Variants in EIF2AK3 observed in about 807,000 individuals in gnomAD.
The protein encoded by EIF2AK3 is eukaryotic translation initiation factor 2-alpha kinase 3.
Under a neutral mutation model 113.5 loss-of-function variants are expected in EIF2AK3, and 50 were observed. That is an observed-to-expected ratio of 0.44 (90% CI 0.35 to 0.56). EIF2AK3 has a LOEUF of 0.56. Among genes scored for constraint, EIF2AK3 ranks in the 20% least tolerant of loss-of-function variants. The probability of loss-of-function intolerance (pLI) is 0.00; values close to 1 mark genes in which losing one functional copy is unlikely to be tolerated. For missense variants in EIF2AK3, 1,185 were observed against 1,378.0 expected (o/e 0.86, Z 2.22); for synonymous variants, 448 against 495.4 (o/e 0.90, Z 1.27).
chr2:88,595,703 A>G, intron 2 of EIF2AK3, 40 bp from the exon 3 acceptor site: 2 of 1,560,736 alleles, frequency 1.3e-6, no homozygotes, highest in Non-Finnish European at 1.8e-6. Flanking sequence ...CCATAACATT[A>G]ATTATTATTT....
intron 2 of EIF2AK3, 37 bp from the exon 3 acceptor site, chr2:88,595,700 A>G: frequency 1.3e-6 from 2 of 1,557,970 alleles, no homozygotes; most frequent in Non-Finnish European, 1.8e-6. Context: ...GGGCCATAAC[A>G]TTAATTATTA....
At chr2:88,617,926 C>G (rs1381721592) in intron 1 of EIF2AK3, among the ~76,000 whole-genome samples, 1 of 152,270 alleles carries the variant, frequency 6.6e-6, no homozygotes, top group Middle Eastern at 3.4e-3. Context: ...CCTTTGTAAA[C>G]CCAACACTCA....
At position 88,585,942 on chromosome 2, in the gene EIF2AK3, G is replaced by T. The variant is rs1487226765; in HGVS notation, c.1549C>A (p.Leu517Ile). Residue 517 changes from leucine to isoleucine, a missense_variant, in exon 9 of 17, where the codon CTT (leucine) becomes ATT (isoleucine). Physicochemically the swap from Leu to Ile is conservative, Grantham distance 5 (BLOSUM62 2). Coordinates refer to ENST00000303236, the MANE Select transcript of EIF2AK3 (RefSeq NM_004836.7). ...ATTTCTTTCCACCAGTGTAAAAGAA[G>T]AACAGGATCCTTTTTGCGGATATTC... ...NKNIRKKDPV[L>I]LLHWWKEIVA... 2 of 1,614,136 alleles carry T rather than the reference G, an allele frequency of 1.2e-6. No individual in the cohort carries two copies. Among genetic ancestry groups the T allele is most frequent in the Non-Finnish European group, 1.7e-6 (2 of 1,179,992 alleles).
chr2:88,591,495 G>T (rs2104439566), intron 4 of EIF2AK3, among the ~76,000 whole-genome samples: 1 of 152,246 alleles, frequency 6.6e-6, no homozygotes, highest in East Asian at 1.9e-4. Flanking sequence ...AAGTCAAGAT[G>T]AATGCACCAG....
intron 1 of EIF2AK3, among the ~76,000 whole-genome samples, chr2:88,622,995 T>G (rs1346518620): frequency 6.6e-6 from 1 of 152,160 alleles, no homozygotes; most frequent in Non-Finnish European, 1.5e-5. Context: ...GCACCAGAGA[T>G]TAATGTCAAA....
chr2:88,575,326 G>C lies in EIF2AK3; in HGVS notation c.2157C>G (p.Ser719Arg). The C allele has an allele frequency of 6.2e-7, 1 of 1,614,186 alleles. No individual in the cohort carries two copies. ...AGGAAATCCCTACTGAAAAAGACCT[G>C]CTTCTTTGTGGTGAAGGAGCTATGA... ...IEIIAPSPQR[S>R]RSFSVGISCD... The change falls in exon 13 of 17, where the codon AGC becomes AGG. Residue 719 changes from serine (S) to arginine (R), a missense_variant. Ser to Arg is a moderately radical substitution (Grantham distance 110). Transcript: ENST00000303236.
Position 88,587,574 on chromosome 2 carries a change from C to T in EIF2AK3, c.1429+408G>A, listed in dbSNP as rs115263182. 2.2e-3 allele frequency among the ~76,000 whole-genome samples: 334 copies of T among 152,236 alleles called. 1 individual carries two copies. The highest frequency in any genetic ancestry group is 7.8e-3 in the African/African-American group (325 of 41,512). On this transcript the variant is annotated intron_variant, in intron 8 of 16. Coordinates refer to ENST00000303236, the MANE Select transcript of EIF2AK3 (RefSeq NM_004836.7). ...TGAAAAACACATTTTCTTCATTATACAGGCAACTATACAGCCTACATAATA... is the reference window on the plus strand; with the variant it reads ...TGAAAAACACATTTTCTTCATTATATAGGCAACTATACAGCCTACATAATA...
At chr2:88,566,941 C>G (rs1674145235) in intron 14 of EIF2AK3, among the ~76,000 whole-genome samples, 1 of 151,912 alleles carries the variant, frequency 6.6e-6, no homozygotes, top group South Asian at 2.1e-4. Context: ...AAGACCCTGT[C>G]TCAAAAAAAT....
chr2:88,621,226 T>C (rs1318714059), intron 1 of EIF2AK3, among the ~76,000 whole-genome samples: 2 of 152,184 alleles, frequency 1.3e-5, no homozygotes, highest in Non-Finnish European at 2.9e-5. Flanking sequence ...TATGCCACAA[T>C]GAATACGCAA....
chr2:88,622,838 T>C (rs1230186857), intron 1 of EIF2AK3, among the ~76,000 whole-genome samples: 2 of 152,202 alleles, frequency 1.3e-5, no homozygotes, highest in Non-Finnish European at 2.9e-5. Context: ...TGAGGAAGAC[T>C]AGATTTCTGT....
At chr2:88,607,204 A>G (rs2104460293) in intron 2 of EIF2AK3, among the ~76,000 whole-genome samples, 1 of 152,302 alleles carries the variant, frequency 6.6e-6, no homozygotes, top group Non-Finnish European at 1.5e-5. Context: ...CTAAAGAAAA[A>G]ACGATGCTCA....
chr2:88,576,774 A>T (rs1674470419), intron 11 of EIF2AK3, 71 bp from the exon 12 acceptor site: 2 of 1,523,520 alleles, frequency 1.3e-6, no homozygotes, highest in Non-Finnish European at 1.8e-6. Context: ...AAATTATATG[A>T]CTTATACCCC....
In EIF2AK3 at chr2:88,627,017, C is replaced by A; in HGVS notation, c.258G>T (p.Glu86Asp). ...EALPAAAGEQ[E>D]PRGPEPDDET... ...CATCGTCTGGTTCCGGACCCCGAGGCTCCTGCTCTCCCGCGGCTGCCGGCA... is the reference window on the plus strand; with the variant it reads ...CATCGTCTGGTTCCGGACCCCGAGGATCCTGCTCTCCCGCGGCTGCCGGCA... Residue 86 changes from glutamate (E) to aspartate (D), a missense_variant, in exon 1 of 17, where the codon GAG (glutamate) becomes GAT (aspartate). This residue lies in a region of EIF2AK3 where 189 missense variants were observed against 175.2 expected (regional missense o/e 1.08). Transcript: ENST00000303236. 1 of 1,606,776 alleles carries A rather than the reference C, an allele frequency of 6.2e-7. No homozygotes were observed. Among genetic ancestry groups the A allele is most frequent in the East Asian group, 2.2e-5 (1 of 44,738 alleles).
intron 3 of EIF2AK3, 120 bp from the exon 4 acceptor site, chr2:88,593,525 G>T: frequency 8.4e-7 from 1 of 1,197,094 alleles, no homozygotes; most frequent in Non-Finnish European, 1.2e-6. Flanking sequence ...TGTGTATGAA[G>T]TACTCAAGTC....
chr2:88,606,240 C>A (rs1471674028), intron 2 of EIF2AK3, among the ~76,000 whole-genome samples: 1 of 151,656 alleles, frequency 6.6e-6, no homozygotes, highest in Non-Finnish European at 1.5e-5. Context: ...ACTATCTCTG[C>A]CTTCACCTAG....
chr2:88,588,618 T>C, intron 7 of EIF2AK3, 143 bp downstream of exon 7: 1 of 849,660 alleles, frequency 1.2e-6, no homozygotes, highest in Non-Finnish European at 1.8e-6. Context: ...ATTATTAACA[T>C]CTGAAATACC....
Position 88,557,745 on chromosome 2 carries a change from T to C in EIF2AK3, c.3342A>G (p.Pro1114=). The C allele has an allele frequency of 6.2e-7, 1 of 1,614,184 alleles. No individual in the cohort carries two copies. Among genetic ancestry groups the C allele is most frequent in the Non-Finnish European group, 8.5e-7 (1 of 1,179,974 alleles). ...RQSNNSHSPL[P]SN is the part of the protein sequence containing the mutation. ...CTAGCACAACTTAAGGCTAATTGCT[T>C]GGCAAAGGGCTATGGGAGTTGTTGG... The change falls in exon 17 of 17, where the codon CCA becomes CCG. Residue 1114 remains proline (P), a synonymous_variant. Transcript: ENST00000303236.
intron 15 of EIF2AK3, among the ~76,000 whole-genome samples, chr2:88,560,408 C>G (rs1673917657): frequency 6.6e-6 from 1 of 151,920 alleles, no homozygotes; most frequent in Non-Finnish European, 1.5e-5. Context: ...TGCCTTTTCA[C>G]TTTCTATTTC....
intron 13 of EIF2AK3, among the ~76,000 whole-genome samples, chr2:88,574,348 A>T (rs896762117): frequency 2.6e-5 from 4 of 152,128 alleles, no homozygotes; most frequent in Admixed American, 6.5e-5. Flanking sequence ...AACAGGCTAT[A>T]TCTGCTCATG....
Sources: gnomAD v4.1 joint callset for allele counts (sites outside exome capture counted in the v4.1 genomes callset) on GRCh38, gnomAD v4.1.1 for gene constraint, gnomAD v4.1.1 regional missense constraint, MANE v1.5 for transcripts, NCBI Gene and HGNC (gene_info 2026-07-23, HGNC 2026-07-21) for gene names.